The following MACROD2 variants were observed in gnomAD, a reference collection of about 807,000 sequenced individuals.
MACROD2 encodes mono-ADP ribosylhydrolase 2, also known as ADP-ribose glycohydrolase MACROD2.
MACROD2 carries 36 observed loss-of-function variants against 70.4 expected under a neutral mutation model. That is an observed-to-expected ratio of 0.51 (90% CI 0.39 to 0.68). MACROD2 has a LOEUF of 0.68. MACROD2 is among the 30% of genes least tolerant of loss of function. MACROD2 has a pLI of 0.00. For missense variants in MACROD2, 496 were observed against 538.4 expected (o/e 0.92, Z 0.78); for synonymous variants, 172 against 178.8 (o/e 0.96, Z 0.30).
chr20:15,812,216 C>T (rs16996604), intron 8 of MACROD2, among the ~76,000 whole-genome samples: 2 of 152,158 alleles, frequency 1.3e-5, no homozygotes, highest in South Asian at 2.1e-4. Context: ...ATGCCTTATA[C>T]AAGGTGGGCT....
intron 5 of MACROD2, among the ~76,000 whole-genome samples, chr20:14,767,708 G>A (rs1007182384): frequency 6.6e-5 from 10 of 151,600 alleles, no homozygotes; most frequent in Middle Eastern, 3.2e-3. Flanking sequence ...TGTCACATAG[G>A]TATACACGTG....
intron 3 of MACROD2, among the ~76,000 whole-genome samples, chr20:14,280,874 T>G (rs1216096835): frequency 6.6e-6 from 1 of 152,186 alleles, no homozygotes; most frequent in Non-Finnish European, 1.5e-5. Flanking sequence ...TAAAAGTTAT[T>G]GTGAATTCTT....
At chr20:15,760,608 C>T (rs1344241821) in intron 8 of MACROD2, among the ~76,000 whole-genome samples, 1 of 152,084 alleles carries the variant, frequency 6.6e-6, no homozygotes, top group Non-Finnish European at 1.5e-5. Flanking sequence ...GGGCAGAGTG[C>T]AGGGAGAGAG....
intron 8 of MACROD2, among the ~76,000 whole-genome samples, chr20:15,704,711 C>A (rs1259926172): frequency 6.6e-6 from 1 of 151,950 alleles, no homozygotes; most frequent in Non-Finnish European, 1.5e-5. Context: ...AGAAGATGGA[C>A]ATAAAATGGA....
At chr20:15,475,788 G>T (rs1386196011) in intron 7 of MACROD2, among the ~76,000 whole-genome samples, 2 of 152,184 alleles carry the variant, frequency 1.3e-5, no homozygotes, top group Admixed American at 1.3e-4. Flanking sequence ...GCTGCTGCAG[G>T]CTTGCCCAGA....
At chr20:15,417,948 C>T (rs527830096) in intron 6 of MACROD2, among the ~76,000 whole-genome samples, 1 of 152,238 alleles carries the variant, frequency 6.6e-6, no homozygotes, top group East Asian at 1.9e-4. Context: ...CATCTCTAAC[C>T]AGTTCTTTCT....
chr20:15,096,806 TA>T (rs1387398737), intron 5 of MACROD2, among the ~76,000 whole-genome samples: 2 of 116,080 alleles, frequency 1.7e-5, no homozygotes, highest in African/African-American at 7.1e-5. Context: ...GCCACTATGC[TA>T]ATTTTTTTTT....
At chr20:14,427,220 T>C (rs907717508) in intron 3 of MACROD2, among the ~76,000 whole-genome samples, 3 of 152,066 alleles carry the variant, frequency 2.0e-5, no homozygotes, top group African/African-American at 7.2e-5. Context: ...TGCCTCCCAG[T>C]CTGGTTTCAG....
chr20:14,471,141 G>A (rs2084525957), intron 3 of MACROD2, among the ~76,000 whole-genome samples: 1 of 152,162 alleles, frequency 6.6e-6, no homozygotes, highest in East Asian at 1.9e-4. Context: ...GTCCCTCAGG[G>A]CACAATCCCT....
intron 15 of MACROD2, among the ~76,000 whole-genome samples, chr20:16,033,733 T>C (rs2067185277): frequency 6.6e-6 from 1 of 152,000 alleles, no homozygotes; most frequent in Non-Finnish European, 1.5e-5. Context: ...GGACTTGGAT[T>C]TGAAATCAGC....
At chr20:15,031,973 CGCT>C (rs1202857250) in intron 5 of MACROD2, among the ~76,000 whole-genome samples, 1 of 152,218 alleles carries the variant, frequency 6.6e-6, no homozygotes, top group Non-Finnish European at 1.5e-5. Flanking sequence ...TGACCGCCCC[CGCT>C]GGCCTCCCTC....
intron 3 of MACROD2, among the ~76,000 whole-genome samples, chr20:14,173,937 G>T (rs186464393): frequency 6.6e-6 from 1 of 152,156 alleles, no homozygotes; most frequent in African/African-American, 2.4e-5. Context: ...GGCTGGTACT[G>T]GGGAGTGTCT....
intron 5 of MACROD2, among the ~76,000 whole-genome samples, chr20:15,196,040 T>C (rs1453622208): frequency 1.3e-5 from 2 of 152,024 alleles, no homozygotes; most frequent in African/African-American, 4.8e-5. Flanking sequence ...TGAAAACACA[T>C]GGACACACGG....
intron 4 of MACROD2, among the ~76,000 whole-genome samples, chr20:14,529,193 T>C (rs1477370183): frequency 1.3e-5 from 2 of 152,242 alleles, no homozygotes; most frequent in African/African-American, 4.8e-5. Context: ...ATGCTAGTTT[T>C]AGGCTTCAAG....
At chr20:14,648,701 A>G (rs1985526778) in intron 4 of MACROD2, among the ~76,000 whole-genome samples, 3 of 152,002 alleles carry the variant, frequency 2.0e-5, no homozygotes, top group East Asian at 1.9e-4. Flanking sequence ...ATGGAGTCAT[A>G]CTATACACAC....
chr20:15,783,935 G>A (rs1258435189), intron 8 of MACROD2, among the ~76,000 whole-genome samples: 1 of 152,082 alleles, frequency 6.6e-6, no homozygotes, highest in African/African-American at 2.4e-5. Flanking sequence ...CCCACGATGA[G>A]GAAAGGGATG....
intron 5 of MACROD2, among the ~76,000 whole-genome samples, chr20:14,864,305 C>T (rs1479222853): frequency 1.3e-5 from 2 of 151,960 alleles, no homozygotes; most frequent in African/African-American, 4.8e-5. Context: ...TGTCTTTTAC[C>T]AAATAATATC....
At chr20:14,514,178 A>T (rs2123155999) in intron 4 of MACROD2, among the ~76,000 whole-genome samples, 1 of 152,224 alleles carries the variant, frequency 6.6e-6, no homozygotes, top group African/African-American at 2.4e-5. Context: ...ACTCTCTTTG[A>T]GGACTAGCAT....
intron 3 of MACROD2, among the ~76,000 whole-genome samples, chr20:14,454,300 A>T (rs1464043834): frequency 6.6e-6 from 1 of 151,980 alleles, no homozygotes; most frequent in African/African-American, 2.4e-5. Flanking sequence ...TAATTTTCAT[A>T]GTAAATATAT....
Sources: gnomAD v4.1 joint callset for allele counts (sites outside exome capture counted in the v4.1 genomes callset) on GRCh38, gnomAD v4.1.1 for gene constraint, MANE v1.5 for transcripts, NCBI Gene and HGNC (gene_info 2026-07-23, HGNC 2026-07-21) for gene names.